Variants in NRXN3 observed in about 807,000 individuals in gnomAD.
NRXN3 encodes neurexin III.
NRXN3 carries 32 observed loss-of-function variants against 137.6 expected under a neutral mutation model. That is an observed-to-expected ratio of 0.23 (90% CI 0.18 to 0.31). The LOEUF is 0.31. Ranked by LOEUF, NRXN3 falls within the 10% of genes least tolerant of loss-of-function variation. The pLI is 1.00. For synonymous variants in NRXN3, 798 were observed against 784.5 expected, an observed-to-expected ratio of 1.02 and a Z score of -0.29; for missense variants, 1,574 against 2,062.5, an observed-to-expected ratio of 0.76 and a Z score of 4.59.
At chr14:79,561,819 G>C (rs563891107) in intron 16 of NRXN3, among the ~76,000 whole-genome samples, 3 of 152,100 alleles carry the variant, frequency 2.0e-5, no homozygotes, top group African/African-American at 4.8e-5. Flanking sequence ...AAGAAAAAAA[G>C]CTCCAGGTTA....
At chr14:79,450,802 G>T (rs1019012634) in intron 15 of NRXN3, among the ~76,000 whole-genome samples, 1 of 151,826 alleles carries the variant, frequency 6.6e-6, no homozygotes, top group East Asian at 1.9e-4. Context: ...AGAGACAGAG[G>T]TTGCAGTGGG....
intron 15 of NRXN3, among the ~76,000 whole-genome samples, chr14:79,002,676 C>T (rs1251396394): frequency 1.3e-5 from 2 of 152,130 alleles, no homozygotes; most frequent in Admixed American, 6.6e-5. Flanking sequence ...CTGCAATGAA[C>T]ATACGCATGC....
intron 10 of NRXN3, among the ~76,000 whole-genome samples, chr14:78,815,980 A>G (rs1315452521): frequency 1.3e-5 from 2 of 152,196 alleles, no homozygotes; most frequent in East Asian, 3.9e-4. Context: ...TCAAACTATA[A>G]GCAAGCTATA....
chr14:79,377,334 T>C (rs1187604761), intron 15 of NRXN3, among the ~76,000 whole-genome samples: 1 of 152,204 alleles, frequency 6.6e-6, no homozygotes, highest in East Asian at 1.9e-4. Flanking sequence ...TGGTAATGAT[T>C]GGAGCCTCTG....
chr14:79,403,697 C>T (rs1288065722), intron 15 of NRXN3, among the ~76,000 whole-genome samples: 2 of 152,072 alleles, frequency 1.3e-5, no homozygotes, highest in East Asian at 3.9e-4. Flanking sequence ...AAGGCATTCC[C>T]TGTGCTGGTA....
chr14:78,997,492 T>A (rs1286251488), intron 15 of NRXN3, among the ~76,000 whole-genome samples: 1 of 152,206 alleles, frequency 6.6e-6, no homozygotes, highest in Admixed American at 6.5e-5. Context: ...TTCCAACATA[T>A]TTTTCAACAT....
At chr14:79,089,959 T>C (rs2048856587) in intron 15 of NRXN3, among the ~76,000 whole-genome samples, 1 of 152,216 alleles carries the variant, frequency 6.6e-6, no homozygotes, top group Non-Finnish European at 1.5e-5. Context: ...ATTAGGATTG[T>C]GTTTTTTAAA....
intron 15 of NRXN3, among the ~76,000 whole-genome samples, chr14:79,237,437 A>G (rs1213034417): frequency 1.3e-5 from 2 of 152,152 alleles, no homozygotes; most frequent in African/African-American, 4.8e-5. Flanking sequence ...TACAACCAAC[A>G]GTGGGGTGCA....
intron 2 of NRXN3, among the ~76,000 whole-genome samples, chr14:78,272,661 C>T (rs2072972352): frequency 1.3e-5 from 2 of 152,142 alleles, no homozygotes; most frequent in South Asian, 2.1e-4. Flanking sequence ...ATTCTCATAC[C>T]TAATTTGTAG....
chr14:79,586,760 G>A (rs2097767947), intron 16 of NRXN3, among the ~76,000 whole-genome samples: 1 of 152,052 alleles, frequency 6.6e-6, no homozygotes. Context: ...TTGAGAGAGG[G>A]TATTATTGAA....
chr14:78,410,553 G>A (rs2092765650), intron 4 of NRXN3, among the ~76,000 whole-genome samples: 1 of 152,160 alleles, frequency 6.6e-6, no homozygotes, highest in South Asian at 2.1e-4. Flanking sequence ...AGAGGGACCT[G>A]GAACATCTTT....
chr14:78,174,514 C>G (rs1006966640), intron 1 of NRXN3, among the ~76,000 whole-genome samples: 9 of 152,070 alleles, frequency 5.9e-5, no homozygotes, highest in African/African-American at 2.2e-4. Flanking sequence ...CGGGTGGGGA[C>G]TGGAAGGGTG....
At chr14:78,300,674 C>T (rs2076787355) in intron 4 of NRXN3, 2 of 1,530,504 alleles carry the variant, frequency 1.3e-6, no homozygotes, top group African/African-American at 1.4e-5. Flanking sequence ...ACCTTCATTT[C>T]TGTAGGTAGA....
At chr14:78,716,203 A>G (rs2098432778) in intron 8 of NRXN3, among the ~76,000 whole-genome samples, 2 of 152,216 alleles carry the variant, frequency 1.3e-5, no homozygotes, top group Admixed American at 6.5e-5. Flanking sequence ...GCATAGATAA[A>G]GGCAAGAAGA....
At chr14:78,224,424 A>C in intron 1 of NRXN3, among the ~76,000 whole-genome samples, 3 of 149,506 alleles carry the variant, frequency 2.0e-5, no homozygotes, top group Admixed American at 6.7e-5. Context: ...ATCCCTCCCC[A>C]CTCGCCCCAC....
intron 4 of NRXN3, among the ~76,000 whole-genome samples, chr14:78,499,407 A>G (rs2153771058): frequency 6.6e-6 from 1 of 152,294 alleles, no homozygotes; most frequent in Middle Eastern, 3.4e-3. Context: ...TTCAGCTGAT[A>G]ATCGGGGCCT....
intron 4 of NRXN3, among the ~76,000 whole-genome samples, chr14:78,596,902 A>G (rs1248467230): frequency 1.3e-5 from 2 of 152,190 alleles, no homozygotes; most frequent in Non-Finnish European, 2.9e-5. Flanking sequence ...GAAAATGAAG[A>G]GAAAATAGCT....
chr14:79,009,008 T>C (rs2099564050), intron 15 of NRXN3, among the ~76,000 whole-genome samples: 1 of 152,114 alleles, frequency 6.6e-6, no homozygotes, highest in African/African-American at 2.4e-5. Flanking sequence ...TAATGATGTT[T>C]GCCGGGAAGA....
intron 16 of NRXN3, among the ~76,000 whole-genome samples, chr14:79,497,520 T>A (rs972342674): frequency 1.3e-5 from 2 of 152,156 alleles, no homozygotes; most frequent in Non-Finnish European, 2.9e-5. Context: ...CCTTCTCCCT[T>A]ACCCTGCCTT....
Sources: gnomAD v4.1 joint callset for allele counts (sites outside exome capture counted in the v4.1 genomes callset) on GRCh38, gnomAD v4.1.1 for gene constraint, MANE v1.5 for transcripts, NCBI Gene and HGNC (gene_info 2026-07-23, HGNC 2026-07-21) for gene names.